DNAH11: variants seen among roughly 807,000 people sequenced by gnomAD.
The protein encoded by DNAH11 is dynein axonemal heavy chain 11.
A neutral mutation model predicts 526.0 loss-of-function variants in DNAH11; 442 were observed. The ratio of observed to expected loss-of-function variants is 0.84; its 90% confidence interval spans 0.78 to 0.91. The LOEUF (loss-of-function observed/expected upper bound fraction) is 0.91, where lower values mean the gene tolerates loss of function less well. Among genes scored for constraint, DNAH11 ranks in the 40% least tolerant of loss-of-function variants. The pLI is 0.00. For synonymous variants in DNAH11, 2,461 were observed against 1,935.9 expected, an observed-to-expected ratio of 1.27 and a Z score of -7.12; for missense variants, 6,989 against 5,448.7, an observed-to-expected ratio of 1.28 and a Z score of -8.90.
chr7:21,666,568 T>C (rs945508937), intron 30 of DNAH11, among the ~76,000 whole-genome samples: 3 of 152,202 alleles, frequency 2.0e-5, no homozygotes, highest in East Asian at 3.9e-4. Context: ...AATACCAGTA[T>C]ACATATAAGA....
In DNAH11 at chr7:21,707,795, G is replaced by C. The variant is rs1212110168; in HGVS notation, c.6643G>C (p.Gly2215Arg). 6.2e-7 allele frequency: 1 copy of C among 1,609,590 alleles called. No individual in the cohort carries two copies. The highest frequency in any genetic ancestry group is 1.7e-5 in the Admixed American group (1 of 59,248). ...PKAVTTDELF[G>R]FIHHATREWK... Reference sequence around the variant, plus strand: ...AGCTGTGACAACAGATGAACTCTTTGGTTTCATACATCATGCTACCCGAGA... The same window carrying C: ...AGCTGTGACAACAGATGAACTCTTTCGTTTCATACATCATGCTACCCGAGA... The change falls in exon 40 of 82, where the codon GGT becomes CGT. Residue 2215 changes from glycine to arginine, a missense_variant. Coordinates refer to ENST00000409508, the MANE Select transcript of DNAH11 (RefSeq NM_001277115.2).
Position 21,589,312 on chromosome 7 carries a change from A to G in DNAH11, c.2078A>G (p.Asn693Ser). 6.2e-7 allele frequency: 1 copy of G among 1,611,572 alleles called. No individual in the cohort carries two copies. The highest frequency in any genetic ancestry group is 1.7e-5 in the Admixed American group (1 of 59,532). ...ESRIYNEWKS[N>S]VDEICEFNLN... is the part of the protein sequence containing the mutation. ...CGTATCTATAATGAATGGAAAAGTAATGTGGATGAAATCTGTGAATTCAAT... is the reference window on the plus strand; with the variant it reads ...CGTATCTATAATGAATGGAAAAGTAGTGTGGATGAAATCTGTGAATTCAAT... Residue 693 changes from asparagine to serine, a missense_variant, in exon 12 of 82, where the codon AAT becomes AGT. Coordinates refer to ENST00000409508, the MANE Select transcript of DNAH11 (RefSeq NM_001277115.2).
intron 26 of DNAH11, among the ~76,000 whole-genome samples, chr7:21,637,295 A>G (rs1008395792): frequency 2.1e-5 from 3 of 145,096 alleles, no homozygotes; most frequent in Non-Finnish European, 4.5e-5. Context: ...TCCTCTTCCC[A>G]TTCTCCCTTC....
rs768633390 is a variant in DNAH11 at position 21,852,586 on chromosome 7, G to A, written c.11016G>A (p.Glu3672=). Residue 3672 remains glutamate, a synonymous_variant, in exon 67 of 82, where the codon GAG becomes GAA. Transcript: ENST00000409508. ...TTCTGGATGACACCAAACTGGTAGAGAGATTGGAGGCAACAAAGACCACCG... is the reference window on the plus strand; with the variant it reads ...TTCTGGATGACACCAAACTGGTAGAAAGATTGGAGGCAACAAAGACCACCG... The part of the protein sequence containing the change: ...GSFLDDTKLV[E]RLEATKTTVA... 37 of 1,606,624 alleles carry A rather than the reference G, an allele frequency of 2.3e-5. No homozygotes were observed. The Admixed American group carries it at 6.2e-4, about 27-fold the overall frequency.
chr7:21,806,828 C>A (rs182660483), intron 62 of DNAH11, among the ~76,000 whole-genome samples: 221 of 152,292 alleles, frequency 1.5e-3, no homozygotes, highest in African/African-American at 5.1e-3. Context: ...AAGGGCTTCA[C>A]ATACTTAACC....
At chr7:21,885,361 G>A (rs1282491415) in intron 76 of DNAH11, among the ~76,000 whole-genome samples, 1 of 150,482 alleles carries the variant, frequency 6.6e-6, no homozygotes, top group African/African-American at 2.4e-5. Context: ...TAAGTCAGAC[G>A]CAGAAGGACA....
At chr7:21,893,829 A>C (rs1417629407) in intron 77 of DNAH11, among the ~76,000 whole-genome samples, 1 of 152,200 alleles carries the variant, frequency 6.6e-6, no homozygotes, top group Non-Finnish European at 1.5e-5. Context: ...GGGCAGCATC[A>C]TAGTTCAGCA....
At chr7:21,613,348 A>C in intron 20 of DNAH11, among the ~76,000 whole-genome samples, 1 of 152,222 alleles carries the variant, frequency 6.6e-6, no homozygotes, top group South Asian at 2.1e-4. Context: ...AATATGTAGT[A>C]GGGAAAAGAG....
intron 11 of DNAH11, among the ~76,000 whole-genome samples, 173 bp from the exon 12 acceptor site, chr7:21,589,035 A>G (rs922229715): frequency 3.3e-5 from 5 of 152,120 alleles, no homozygotes; most frequent in Non-Finnish European, 7.4e-5. Context: ...TTCATCTTAT[A>G]ACTTTATCTT....
intron 2 of DNAH11, among the ~76,000 whole-genome samples, chr7:21,552,626 G>A (rs1033901316): frequency 6.6e-6 from 1 of 152,142 alleles, no homozygotes; most frequent in African/African-American, 2.4e-5. Context: ...GGTTCCCCTG[G>A]AAGGTTGGAA....
intron 18 of DNAH11, 62 bp downstream of exon 18, chr7:21,601,680 C>CA: frequency 8.0e-7 from 1 of 1,246,140 alleles, no homozygotes; most frequent in Non-Finnish European, 1.1e-6. Context: ...TATTAAAGTA[C>CA]TTTACATGTA....
chr7:21,841,975 A>G (rs1181616002), intron 65 of DNAH11, among the ~76,000 whole-genome samples: 1 of 152,180 alleles, frequency 6.6e-6, no homozygotes, highest in East Asian at 1.9e-4. Context: ...CTAATGCACC[A>G]AAAATTGAGT....
At chr7:21,811,777 T>C (rs1015367996) in intron 63 of DNAH11, among the ~76,000 whole-genome samples, 9 of 152,194 alleles carry the variant, frequency 5.9e-5, no homozygotes, top group Non-Finnish European at 1.5e-5. Flanking sequence ...AAAGTCCTGG[T>C]GTCTTAATAG....
chr7:21,740,842 A>G (rs2906690), intron 48 of DNAH11, among the ~76,000 whole-genome samples: 14,373 of 152,188 alleles, frequency 0.094, 1,344 homozygotes, highest in African/African-American at 0.24. Flanking sequence ...TTCCCTACCA[A>G]TAGTGCATCA....
chr7:21,561,345 C>G, intron 5 of DNAH11, 175 bp downstream of exon 5: 1 of 548,312 alleles, frequency 1.8e-6, no homozygotes, highest in Non-Finnish European at 3.2e-6. Context: ...CCATACTAAA[C>G]TACTTTTAGT....
At position 21,866,695 on chromosome 7, in the gene DNAH11, T is replaced by C; in HGVS notation, c.11690+32T>C. ...TGGTCAGCATTTTTGGAAACATGTA[T>C]TAGTTAACATAGAGGAAATGTAGTC... On this transcript the variant is annotated intron_variant, in intron 71 of 81. Transcript: ENST00000409508. The C allele has an allele frequency of 1.3e-6, 2 of 1,573,460 alleles. 1 individual carries two copies. The highest frequency in any genetic ancestry group is 2.4e-5 in the South Asian group (2 of 82,400).
chr7:21,789,259 C>T lies in DNAH11; in HGVS notation c.9943C>T (p.Pro3315Ser), dbSNP rs1788328937. 3 of 1,572,308 alleles carry T rather than the reference C, an allele frequency of 1.9e-6. No individual in the cohort carries two copies. The East Asian group carries it at 7.0e-5, about 37-fold the overall frequency. The change falls in exon 61 of 82, where the codon CCA becomes TCA. Residue 3315 changes from proline (P) to serine (S), a missense_variant. Transcript: ENST00000409508. ...KFYEVYCDVE[P>S]KRQALAQANL... ...TTTTCAGGTCTACTGTGATGTGGAGCCAAAACGCCAAGCATTAGCCCAAGC... is the reference window on the plus strand; with the variant it reads ...TTTTCAGGTCTACTGTGATGTGGAGTCAAAACGCCAAGCATTAGCCCAAGC...
intron 41 of DNAH11, among the ~76,000 whole-genome samples, chr7:21,711,204 C>A (rs1336701806): frequency 6.6e-6 from 1 of 152,144 alleles, no homozygotes; most frequent in Non-Finnish European, 1.5e-5. Flanking sequence ...TCAAGCAACA[C>A]AGGGTCTGTT....
intron 30 of DNAH11, among the ~76,000 whole-genome samples, chr7:21,664,516 T>G (rs73273514): frequency 0.052 from 7,911 of 152,038 alleles, 588 homozygotes; most frequent in Admixed American, 0.22. Context: ...TGGAGTTCAG[T>G]GAAGAAATCA....
Sources: allele counts gnomAD v4.1 joint callset (sites outside exome capture counted in the v4.1 genomes callset), GRCh38; gene constraint gnomAD v4.1.1; transcripts MANE v1.5; gene names NCBI Gene and HGNC (gene_info 2026-07-23, HGNC 2026-07-21).